RYR2: variants seen among roughly 807,000 people sequenced by gnomAD.
RYR2 encodes the protein ryanodine receptor 2, also known as cardiac muscle ryanodine receptor-calcium release channel.
A neutral mutation model predicts 601.1 loss-of-function variants in RYR2; 227 were observed. That is an observed-to-expected ratio of 0.38 (90% CI 0.34 to 0.42). The LOEUF is 0.42. RYR2 is among the 10% of genes least tolerant of loss of function. The pLI is 1.00. For synonymous variants in RYR2, 2,223 were observed against 2,175.1 expected (o/e 1.02, Z -0.61); for missense variants, 4,646 against 6,156.5 (o/e 0.75, Z 8.21).
At chr1:237,753,283 C>A (rs1408452491) in intron 80 of RYR2, among the ~76,000 whole-genome samples, 3 of 152,178 alleles carry the variant, frequency 2.0e-5, no homozygotes, top group African/African-American at 7.2e-5. Context: ...TGTAATTCCC[C>A]TTATTTCAAT....
intron 47 of RYR2, among the ~76,000 whole-genome samples, chr1:237,642,765 A>G (rs515088): frequency 1 from 152,214 of 152,310 alleles, 76,060 homozygotes; most frequent in Middle Eastern, 1. Flanking sequence ...GTCATCCTGG[A>G]TACTTCATGT....
intron 59 of RYR2, 33 bp downstream of exon 59, chr1:237,674,252 T>C: frequency 1.3e-6 from 2 of 1,538,578 alleles, no homozygotes; most frequent in East Asian, 4.5e-5. Flanking sequence ...TACACACTCT[T>C]TTCACAAGAG....
intron 17 of RYR2, among the ~76,000 whole-genome samples, chr1:237,484,017 C>T (rs1209043477): frequency 6.6e-6 from 1 of 152,138 alleles, no homozygotes; most frequent in Non-Finnish European, 1.5e-5. Context: ...ACTGTATCTC[C>T]ACTGTTTCCT....
At chr1:237,806,107 A>G (rs747665302) in intron 98 of RYR2, 30 bp from the exon 99 acceptor site, 21 of 1,605,896 alleles carry the variant, frequency 1.3e-5, no homozygotes, top group Non-Finnish European at 1.7e-5. Context: ...GTTTTCTGAC[A>G]TGTTCTTTCC....
At chr1:237,518,713 A>T (rs936130652) in intron 24 of RYR2, among the ~76,000 whole-genome samples, 1 of 152,210 alleles carries the variant, frequency 6.6e-6, no homozygotes, top group African/African-American at 2.4e-5. Context: ...TAGTGCCGCA[A>T]TAAACATGCA....
chr1:237,311,759 G>A (rs368994419), intron 2 of RYR2, among the ~76,000 whole-genome samples: 17 of 152,130 alleles, frequency 1.1e-4, no homozygotes, highest in African/African-American at 3.4e-4. Context: ...GATTACAGGC[G>A]CGAACCACCA....
intron 2 of RYR2, among the ~76,000 whole-genome samples, chr1:237,274,420 AT>A (rs1037649246): frequency 8.6e-5 from 13 of 151,968 alleles, no homozygotes; most frequent in Non-Finnish European, 1.8e-4. Flanking sequence ...GTAAAAAAAA[AT>A]TAAAAAATAG....
intron 1 of RYR2, among the ~76,000 whole-genome samples, chr1:237,051,434 C>G (rs1405937683): frequency 6.6e-6 from 1 of 151,330 alleles, no homozygotes. Flanking sequence ...AGCAACAAAC[C>G]TGTACCATCT....
At chr1:237,309,975 G>T (rs1234702133) in intron 2 of RYR2, among the ~76,000 whole-genome samples, 4 of 152,184 alleles carry the variant, frequency 2.6e-5, no homozygotes, top group Non-Finnish European at 5.9e-5. Context: ...CGCAGCTCTG[G>T]TTCCTGCCCA....
intron 27 of RYR2, among the ~76,000 whole-genome samples, chr1:237,562,947 T>C (rs1420750163): frequency 6.6e-6 from 1 of 152,188 alleles, no homozygotes; most frequent in East Asian, 1.9e-4. Context: ...AGGTGCTTGA[T>C]ACTACAAGGT....
chr1:237,330,016 A>G (rs751259787), intron 2 of RYR2, among the ~76,000 whole-genome samples: 2 of 152,216 alleles, frequency 1.3e-5, no homozygotes, highest in Non-Finnish European at 2.9e-5. Flanking sequence ...GTTTGGGAAT[A>G]TTTTATACTA....
intron 58 of RYR2, among the ~76,000 whole-genome samples, chr1:237,668,324 T>TC (rs1245509964): frequency 6.6e-6 from 1 of 152,186 alleles, no homozygotes; most frequent in Non-Finnish European, 1.5e-5. Context: ...TTTTGTCTGG[T>TC]CCAGCTATGT....
intron 1 of RYR2, among the ~76,000 whole-genome samples, chr1:237,155,930 G>A (rs1675279169): frequency 6.6e-6 from 1 of 152,286 alleles, no homozygotes; most frequent in East Asian, 1.9e-4. Context: ...CTTTCTGAGA[G>A]CCTGTAAGTA....
intron 17 of RYR2, among the ~76,000 whole-genome samples, chr1:237,481,115 T>TATATATATATGTATATAC (rs2150362979): frequency 1.3e-5 from 1 of 74,898 alleles, no homozygotes; most frequent in African/African-American, 1.2e-4. Flanking sequence ...TACATATATA[T>TATATATATATGTATATAC]ATATATATAT....
At chr1:237,448,942 T>C (rs1657727953) in intron 14 of RYR2, among the ~76,000 whole-genome samples, 1 of 152,152 alleles carries the variant, frequency 6.6e-6, no homozygotes, top group South Asian at 2.1e-4. Context: ...TGTTTTAAAT[T>C]GTATTGTTTA....
At chr1:237,546,993 A>G (rs2779381) in intron 25 of RYR2, among the ~76,000 whole-genome samples, 2 of 127,400 alleles carry the variant, frequency 1.6e-5, no homozygotes, top group Admixed American at 8.5e-5. Context: ...ATATATATAT[A>G]TATTTATTTA....
chr1:237,140,102 G>C (rs1469481795), intron 1 of RYR2, among the ~76,000 whole-genome samples: 1 of 152,228 alleles, frequency 6.6e-6, no homozygotes, highest in Non-Finnish European at 1.5e-5. Context: ...TCAGAATGAA[G>C]TGTTCATGGA....
At position 237,701,963 on chromosome 1, in the gene RYR2, T is replaced by A. The variant is rs1688003795; in HGVS notation, c.9368-15T>A. The A allele has an allele frequency of 6.6e-7, 1 of 1,514,660 alleles. No individual in the cohort carries two copies. The highest frequency in any genetic ancestry group is 1.7e-5 in the Admixed American group (1 of 58,810). 93.8% of individuals were successfully genotyped at this position (1,514,660 alleles called of 1,614,324 possible). Reference sequence around the variant, plus strand: ...AGTGGGTTTTTCTTTCAAGTGAGATTCTCTTTTTCCTTAGTGGAAGATGTC... The same window carrying A: ...AGTGGGTTTTTCTTTCAAGTGAGATACTCTTTTTCCTTAGTGGAAGATGTC... On this transcript the variant is annotated splice_polypyrimidine_tract_variant and intron_variant, in intron 65 of 104. Coordinates refer to ENST00000366574, the MANE Select transcript of RYR2 (RefSeq NM_001035.3).
At chr1:237,666,455 A>T in intron 56 of RYR2, 57 bp from the exon 57 acceptor site, 1 of 1,431,734 alleles carries the variant, frequency 7.0e-7, no homozygotes, top group Non-Finnish European at 9.7e-7. Flanking sequence ...AGTATAAGTT[A>T]AGTCTCTCTT....
Sources: allele counts gnomAD v4.1 joint callset (sites outside exome capture counted in the v4.1 genomes callset), GRCh38; gene constraint gnomAD v4.1.1; transcripts MANE v1.5; gene names NCBI Gene and HGNC (gene_info 2026-07-23, HGNC 2026-07-21).